The following CNBD1 variants were observed in gnomAD, a reference collection of about 807,000 sequenced individuals.
CNBD1 encodes cyclic nucleotide-binding domain-containing protein 1.
In CNBD1, 71 loss-of-function variants were observed where a neutral mutation model predicts 54.4. The observed-to-expected ratio is 1.30, with a 90% confidence interval of 1.08 to 1.59. The LOEUF (loss-of-function observed/expected upper bound fraction) is 1.59. CNBD1 is among the 40% of genes most tolerant of loss of function. The pLI is 0.00. For synonymous variants in CNBD1, 182 were observed against 170.7 expected, an observed-to-expected ratio of 1.07 and a Z score of -0.51; for missense variants, 659 against 518.0, an observed-to-expected ratio of 1.27 and a Z score of -2.64.
intron 4 of CNBD1, among the ~76,000 whole-genome samples, chr8:87,036,445 T>C (rs1197674818): frequency 6.6e-6 from 1 of 151,726 alleles, no homozygotes; most frequent in East Asian, 1.9e-4. Flanking sequence ...ATACAAAAAA[T>C]TAGCCAGGCG....
chr8:87,269,535 T>A (rs770580318), intron 6 of CNBD1, among the ~76,000 whole-genome samples: 3 of 152,178 alleles, frequency 2.0e-5, no homozygotes, highest in Non-Finnish European at 4.4e-5. Context: ...ACAATATTTA[T>A]TCTTGCTATC....
intron 6 of CNBD1, among the ~76,000 whole-genome samples, chr8:87,251,910 A>AT (rs139251188): frequency 0.097 from 14,526 of 150,200 alleles, 870 homozygotes; most frequent in East Asian, 0.15. Flanking sequence ...TGAAGAAAGT[A>AT]TTTTTTTTTT....
At chr8:87,359,204 T>C (rs1586044483) in intron 10 of CNBD1, among the ~76,000 whole-genome samples, 2 of 152,154 alleles carry the variant, frequency 1.3e-5, no homozygotes, top group East Asian at 1.9e-4. Flanking sequence ...GATTTAGTAA[T>C]GTTTGTGTGT....
chr8:87,402,471 G>T (rs759080225), intron 2 of CNBD1, among the ~76,000 whole-genome samples: 3 of 152,018 alleles, frequency 2.0e-5, no homozygotes, highest in Non-Finnish European at 4.4e-5. Flanking sequence ...AATAATTTGG[G>T]TTAGGCAATT....
intron 3 of CNBD1, among the ~76,000 whole-genome samples, chr8:86,931,425 A>T (rs1249299115): frequency 2.6e-5 from 4 of 151,914 alleles, no homozygotes; most frequent in Non-Finnish European, 5.9e-5. Context: ...CCTTCCAGTG[A>T]TTGCCTCGGC....
At chr8:86,987,381 G>A (rs756933087) in intron 4 of CNBD1, among the ~76,000 whole-genome samples, 3 of 152,130 alleles carry the variant, frequency 2.0e-5, no homozygotes, top group Non-Finnish European at 4.4e-5. Flanking sequence ...TACTGAAGTT[G>A]TTTATCAGTT....
At chr8:87,103,197 A>G (rs1811467220) in intron 4 of CNBD1, among the ~76,000 whole-genome samples, 1 of 152,222 alleles carries the variant, frequency 6.6e-6, no homozygotes, top group African/African-American at 2.4e-5. Flanking sequence ...GTGGTTGTTG[A>G]GATCTCCAAG....
At chr8:87,108,759 G>T (rs1811597216) in intron 4 of CNBD1, among the ~76,000 whole-genome samples, 6 of 152,068 alleles carry the variant, frequency 3.9e-5, no homozygotes, top group Admixed American at 3.9e-4. Flanking sequence ...CTGGAATCTA[G>T]ACCTATAGTC....
intron 10 of CNBD1, among the ~76,000 whole-genome samples, chr8:87,354,742 T>A (rs1274774686): frequency 2.0e-5 from 3 of 152,198 alleles, no homozygotes; most frequent in East Asian, 1.9e-4. Context: ...GAACTCATCA[T>A]GTTTTATGGC....
chr8:87,005,894 C>G (rs988023603), intron 4 of CNBD1, among the ~76,000 whole-genome samples: 2 of 152,064 alleles, frequency 1.3e-5, no homozygotes, highest in Non-Finnish European at 2.9e-5. Context: ...TCAAAGGGAT[C>G]ACTCCCAGGT....
At chr8:87,254,563 CT>C (rs1248887725) in intron 6 of CNBD1, among the ~76,000 whole-genome samples, 3 of 152,160 alleles carry the variant, frequency 2.0e-5, no homozygotes, top group Admixed American at 2.0e-4. Flanking sequence ...GAATATTCTT[CT>C]CAGTATAGAT....
intron 4 of CNBD1, among the ~76,000 whole-genome samples, chr8:87,122,224 ACCTTATC>A (rs1408549656): frequency 1.3e-5 from 2 of 151,580 alleles, no homozygotes; most frequent in Non-Finnish European, 3.0e-5. Flanking sequence ...TTCTCACCAA[ACCTTATC>A]TTTCATCTTT....
Position 87,382,663 on chromosome 8 carries a change from A to T in CNBD1, c.*36A>T. On this transcript the variant is annotated 3_prime_UTR_variant, in exon 11 of 11. Coordinates refer to ENST00000518476, the MANE Select transcript of CNBD1 (RefSeq NM_173538.3). Reference sequence around the variant, plus strand: ...AACCTCAGTGAACATTAATTAAGAAAGTATTGACTAAATAATGGAATAATT... The same window carrying T: ...AACCTCAGTGAACATTAATTAAGAATGTATTGACTAAATAATGGAATAATT... 1 of 1,458,148 alleles carries T rather than the reference A, an allele frequency of 6.9e-7. No homozygotes were observed. Among genetic ancestry groups the T allele is most frequent in the Non-Finnish European group, 9.4e-7 (1 of 1,067,172 alleles). 90.3% of individuals were successfully genotyped at this position (1,458,148 alleles called of 1,614,324 possible).
intron 8 of CNBD1, among the ~76,000 whole-genome samples, chr8:87,321,803 C>CTTTTTT (rs765165524): frequency 6.7e-5 from 6 of 89,006 alleles, no homozygotes; most frequent in South Asian, 6.1e-4. Context: ...TTTTCTTTTT[C>CTTTTTT]TTTTTTTTTT....
chr8:86,958,634 G>A (rs989509675), intron 4 of CNBD1, among the ~76,000 whole-genome samples: 1 of 152,112 alleles, frequency 6.6e-6, no homozygotes, highest in Non-Finnish European at 1.5e-5. Context: ...TGTTTTATCA[G>A]AGACTAGGAT....
chr8:87,374,079 A>G (rs1436790710), intron 10 of CNBD1, among the ~76,000 whole-genome samples: 1 of 151,864 alleles, frequency 6.6e-6, no homozygotes, highest in East Asian at 1.9e-4. Context: ...CTAATCCCCT[A>G]AAAAATTCCT....
At chr8:87,131,361 G>T (rs1476808673) in intron 4 of CNBD1, among the ~76,000 whole-genome samples, 7 of 151,982 alleles carry the variant, frequency 4.6e-5, no homozygotes, top group African/African-American at 1.7e-4. Context: ...CATTTAAAAT[G>T]GTTGCTCCAA....
chr8:87,291,486 C>A (rs1383415991), intron 8 of CNBD1, among the ~76,000 whole-genome samples: 1 of 152,136 alleles, frequency 6.6e-6, no homozygotes, highest in Non-Finnish European at 1.5e-5. Context: ...TATAGTGCCT[C>A]TGTTACATAT....
At chr8:87,014,106 C>A (rs1215857877) in intron 4 of CNBD1, among the ~76,000 whole-genome samples, 2 of 151,168 alleles carry the variant, frequency 1.3e-5, no homozygotes, top group African/African-American at 2.4e-5. Flanking sequence ...GAGCTCTAAT[C>A]AACTGGCTTT....
Sources: gnomAD v4.1 joint callset for allele counts (sites outside exome capture counted in the v4.1 genomes callset) on GRCh38, gnomAD v4.1.1 for gene constraint, MANE v1.5 for transcripts, NCBI Gene and HGNC (gene_info 2026-07-23, HGNC 2026-07-21) for gene names.